The following IL27RA variants were observed in gnomAD, a reference collection of about 807,000 sequenced individuals.
IL27RA encodes the protein interleukin-27 receptor subunit alpha.
In IL27RA, 61 loss-of-function variants were observed where a neutral mutation model predicts 80.8. The observed-to-expected ratio is 0.76, with a 90% CI of 0.61 to 0.93. The LOEUF (loss-of-function observed/expected upper bound fraction) is 0.93, where lower values mean the gene tolerates loss of function less well. IL27RA is among the 40% of genes least tolerant of loss of function. The pLI is 0.00. For missense variants in IL27RA, 735 were observed against 808.1 expected, an observed-to-expected ratio of 0.91 and a Z score of 1.10; for synonymous variants, 316 against 332.5, an observed-to-expected ratio of 0.95 and a Z score of 0.54.
At position 14,051,883 on chromosome 19, in the gene IL27RA, C is replaced by A; in HGVS notation, c.1626C>A (p.Cys542Ter). 6.3e-7 allele frequency: 1 copy of A among 1,578,806 alleles called. No individual in the cohort carries two copies. ...CTGACTACTCCTGTCTTGCCAGGTGCTACCACCTAAGGCACAAAGTGCTGC... is the reference window on the plus strand; with the variant it reads ...CTGACTACTCCTGTCTTGCCAGGTGATACCACCTAAGGCACAAAGTGCTGC... ...CGLSLATSGR[C>*]YHLRHKVLPR... The change falls in exon 13 of 14, where the codon TGC (cysteine) becomes TGA (stop). Residue 542 changes from cysteine to a stop codon, truncating the protein, a stop_gained. Coordinates refer to ENST00000263379, the MANE Select transcript of IL27RA (RefSeq NM_004843.4). LOFTEE classifies it high-confidence loss of function.
chr19:14,032,634 CA>C (rs766574764), intron 2 of IL27RA, 131 bp downstream of exon 2: 6,850 of 93,478 alleles, frequency 0.073, 1 homozygote, highest in Middle Eastern at 0.12. Context: ...ACTAAAAATA[CA>C]AAAAAAAAAA....
intron 8 of IL27RA, among the ~76,000 whole-genome samples, chr19:14,047,815 G>C (rs1032659644): frequency 1.4e-5 from 2 of 138,944 alleles, no homozygotes; most frequent in Non-Finnish European, 3.0e-5. Flanking sequence ...CACCACGCCC[G>C]GCTAATTTTT....
At position 14,052,137 on chromosome 19, in the gene IL27RA, G is replaced by A. The variant is rs113824749; in HGVS notation, c.1758G>A (p.Leu586=). Residue 586 remains leucine, a synonymous_variant, in exon 14 of 14, where the codon CTG becomes CTA. Coordinates refer to ENST00000263379, the MANE Select transcript of IL27RA (RefSeq NM_004843.4). The part of the protein sequence containing the change: ...EAQPLGDLPI[L]EVEEMEPPPV... ...AGCCCCTTGGGGACTTGCCCATCCT[G>A]GAAGTGGAGGAGATGGAGCCCCCGC... 4.3e-6 allele frequency: 7 copies of A among 1,613,320 alleles called. No homozygotes were observed. The South Asian group carries it at 7.7e-5, about 18-fold the overall frequency.
At chr19:14,048,247 G>T (rs6511910) in intron 8 of IL27RA, among the ~76,000 whole-genome samples, 1 of 151,598 alleles carries the variant, frequency 6.6e-6, no homozygotes, top group South Asian at 2.1e-4. Context: ...CATGAGCCAC[G>T]GTACCTGGCA....
rs557856100 is a variant in IL27RA at position 14,041,457 on chromosome 19, T to C, written c.535-996T>C. Among the ~76,000 whole-genome samples, 13 of 152,168 alleles carry C rather than the reference T, an allele frequency of 8.5e-5. No homozygotes were observed. The East Asian group carries it at 2.5e-3, about 29-fold the overall frequency. Reference sequence around the variant, plus strand: ...CTCAGGTGATCCACCCACCTCCACCTCCTAAAGTGTTGGGATTACAGGCGT... The same window carrying C: ...CTCAGGTGATCCACCCACCTCCACCCCCTAAAGTGTTGGGATTACAGGCGT... On this transcript the variant is annotated intron_variant, in intron 4 of 13. Coordinates refer to ENST00000263379, the MANE Select transcript of IL27RA (RefSeq NM_004843.4).
Position 14,031,864 on chromosome 19 carries a change from A to G in IL27RA, c.-9A>G. 1 of 1,587,890 alleles carries G rather than the reference A, an allele frequency of 6.3e-7. No individual in the cohort carries two copies. The highest frequency in any genetic ancestry group is 1.1e-5 in the South Asian group (1 of 87,872). ...GGCTGGGCCGGACTCGGGGCTCCCG[A>G]GGGACGCCATGCGGGGAGGCAGGGG... is the stretch of plus-strand genomic sequence containing the variant. On this transcript the variant is annotated 5_prime_UTR_variant, in exon 1 of 14. Coordinates refer to ENST00000263379, the MANE Select transcript of IL27RA (RefSeq NM_004843.4).
chr19:14,036,131 AAAGT>A, intron 2 of IL27RA, among the ~76,000 whole-genome samples: 3 of 151,938 alleles, frequency 2.0e-5, no homozygotes, highest in Middle Eastern at 6.8e-3. Flanking sequence ...AGGAGGGAAA[AAAGT>A]AAGAATAATT....
Position 14,052,915 on chromosome 19 carries a change from AAAAAG to A in IL27RA, c.*635_*639del, listed in dbSNP as rs918198408. On this transcript the variant is annotated 3_prime_UTR_variant, in exon 14 of 14. Coordinates refer to ENST00000263379, the MANE Select transcript of IL27RA (RefSeq NM_004843.4). Reference sequence around the variant, plus strand: ...AACTAATAAAAAGCAAAAAAAAAAAAAAAAGAAAAGAAAAAACACTGCATTTGGGC... The same window carrying A: ...AACTAATAAAAAGCAAAAAAAAAAAAAAAAGAAAAAACACTGCATTTGGGC... 1.1e-4 allele frequency: 16 copies of A among 151,536 alleles called. No homozygotes were observed. Among genetic ancestry groups the A allele is most frequent in the South Asian group, 4.2e-4 (2 of 4,818 alleles). The allele number at this position is 151,536 out of a possible 1,614,324, so 9.4% of individuals were successfully genotyped here. A position where few individuals can be genotyped will look rare whatever the true frequency, so the allele number is the denominator to read the frequency against.
intron 2 of IL27RA, 32 bp from the exon 3 acceptor site, chr19:14,039,476 T>C (rs963270074): frequency 3.8e-6 from 6 of 1,590,386 alleles, no homozygotes; most frequent in Middle Eastern, 1.7e-4. Flanking sequence ...TCTAGCCGAG[T>C]GTGCATCTCA....
intron 10 of IL27RA, among the ~76,000 whole-genome samples, chr19:14,049,730 T>C (rs1490490106): frequency 1.3e-5 from 2 of 151,676 alleles, no homozygotes; most frequent in Non-Finnish European, 2.9e-5. Context: ...TACAGGCGCA[T>C]GCCACCATGC....
chr19:14,039,730 C>T (rs1975961551), intron 3 of IL27RA, 23 bp from the exon 4 acceptor site: 2 of 1,611,588 alleles, frequency 1.2e-6, no homozygotes, highest in Non-Finnish European at 1.7e-6. Context: ...TGGCTCACTA[C>T]ACCCTAGTTT....
chr19:14,046,954 G>A (rs963742808), intron 8 of IL27RA, among the ~76,000 whole-genome samples: 2 of 151,782 alleles, frequency 1.3e-5, no homozygotes, highest in Non-Finnish European at 2.9e-5. Context: ...CCGAGATTGC[G>A]CCACTGCACT....
intron 4 of IL27RA, among the ~76,000 whole-genome samples, chr19:14,041,278 A>G (rs755242515): frequency 3.3e-5 from 5 of 150,744 alleles, no homozygotes; most frequent in African/African-American, 4.9e-5. Flanking sequence ...ACTCACTGCA[A>G]CCTCCACCTC....
intron 6 of IL27RA, among the ~76,000 whole-genome samples, chr19:14,045,031 A>G (rs1568502066): frequency 6.6e-6 from 1 of 151,086 alleles, no homozygotes; most frequent in Admixed American, 6.6e-5. Flanking sequence ...AGGCTGAGGC[A>G]GGAGAATCTC....
chr19:14,052,454 A>AC lies in IL27RA; in HGVS notation c.*168dup. On this transcript the variant is annotated 3_prime_UTR_variant, in exon 14 of 14. Coordinates refer to ENST00000263379, the MANE Select transcript of IL27RA (RefSeq NM_004843.4). ...AGCCAGGCAGAGCTGGGATTGAAGG[A>AC]CCCCTATAGAGAAGGGCTTGGCCCC... 4 of 535,142 alleles carry AC rather than the reference A, an allele frequency of 7.5e-6. No individual in the cohort carries two copies. Among genetic ancestry groups the AC allele is most frequent in the Non-Finnish European group, 1.3e-5 (4 of 317,604 alleles). 33.1% of individuals were successfully genotyped at this position (535,142 alleles called of 1,614,324 possible).
intron 4 of IL27RA, among the ~76,000 whole-genome samples, chr19:14,040,406 C>T (rs1014063669): frequency 1.6e-4 from 24 of 151,210 alleles, no homozygotes; most frequent in Non-Finnish European, 3.1e-4. Context: ...ATCTATCACC[C>T]GGTCACAGTG....
chr19:14,047,820 AT>A (rs547206577), intron 8 of IL27RA, among the ~76,000 whole-genome samples: 291 of 140,194 alleles, frequency 2.1e-3, no homozygotes, highest in Middle Eastern at 0.011. Context: ...CGCCCGGCTA[AT>A]TTTTTTTTTT....
chr19:14,039,804 A>C lies in IL27RA; in HGVS notation c.428A>C (p.Asp143Ala). ...LGPDVDFSED[D>A]PLEATVHWAP... ...CCTGACGTGGACTTTTCCGAGGATGACCCCCTGGAGGCCACTGTCCATTGG... is the reference window on the plus strand; with the variant it reads ...CCTGACGTGGACTTTTCCGAGGATGCCCCCCTGGAGGCCACTGTCCATTGG... Residue 143 changes from aspartate to alanine, a missense_variant, in exon 4 of 14, where the codon GAC (aspartate) becomes GCC (alanine). Transcript: ENST00000263379. 1.9e-6 allele frequency: 3 copies of C among 1,613,700 alleles called. No individual in the cohort carries two copies. The highest frequency in any genetic ancestry group is 2.5e-6 in the Non-Finnish European group (3 of 1,179,958).
chr19:14,032,118 G>A, intron 1 of IL27RA, 146 bp downstream of exon 1: 1 of 786,272 alleles, frequency 1.3e-6, no homozygotes, highest in Non-Finnish European at 2.0e-6. Flanking sequence ...GGGACCCGGC[G>A]ACACTGGGGA....
Sources: gnomAD v4.1 joint callset for allele counts (sites outside exome capture counted in the v4.1 genomes callset) on GRCh38, gnomAD v4.1.1 for gene constraint, MANE v1.5 for transcripts, NCBI Gene and HGNC (gene_info 2026-07-23, HGNC 2026-07-21) for gene names.